The following EEFSEC variants were observed in gnomAD, a reference collection of about 807,000 sequenced individuals.
EEFSEC encodes eukaryotic elongation factor, selenocysteine-tRNA specific, also known as selenocysteine-specific elongation factor.
In EEFSEC, 43 loss-of-function variants were observed where a neutral mutation model predicts 42.1. The observed-to-expected ratio is 1.02, with a 90% confidence interval of 0.80 to 1.32. The LOEUF is 1.32. Ranked by LOEUF, EEFSEC falls within the 40% of genes most tolerant of loss-of-function variation. The probability of loss-of-function intolerance (pLI) is 0.00; values close to 1 mark genes in which losing one functional copy is unlikely to be tolerated. For synonymous variants in EEFSEC, 354 were observed against 339.1 expected (o/e 1.04, Z -0.48); for missense variants, 745 against 803.6 (o/e 0.93, Z 0.88).
intron 6 of EEFSEC, among the ~76,000 whole-genome samples, chr3:128,364,376 A>G (rs2067563420): frequency 6.6e-6 from 1 of 152,132 alleles, no homozygotes; most frequent in Middle Eastern, 3.2e-3. Flanking sequence ...GGGCCAGAGC[A>G]AGCTTCCTGG....
At chr3:128,257,810 A>C (rs1426257788) in intron 2 of EEFSEC, among the ~76,000 whole-genome samples, 2 of 152,118 alleles carry the variant, frequency 1.3e-5, no homozygotes, top group Non-Finnish European at 2.9e-5. Context: ...TCACCTCTTG[A>C]GCGTGGCCTG....
At chr3:128,182,892 G>C (rs2065425814) in intron 1 of EEFSEC, among the ~76,000 whole-genome samples, 1 of 143,424 alleles carries the variant, frequency 7.0e-6, no homozygotes, top group African/African-American at 2.7e-5. Context: ...GCGGGGGGGT[G>C]GGGTGGTTGG....
the EEFSEC span, among the ~76,000 whole-genome samples, chr3:128,414,091 C>T: frequency 2.0e-5 from 3 of 152,258 alleles, no homozygotes; most frequent in African/African-American, 7.2e-5. Context: ...CCTTGACGGA[C>T]AACCCTGCCT....
chr3:128,163,431 C>T (rs2065211166), intron 1 of EEFSEC, among the ~76,000 whole-genome samples: 1 of 151,892 alleles, frequency 6.6e-6, no homozygotes, highest in Non-Finnish European at 1.5e-5. Flanking sequence ...CTCTGTAGGT[C>T]TAGGGCCAAC....
chr3:128,247,101 T>C (rs2066136688), intron 2 of EEFSEC, 58 bp downstream of exon 2: 1 of 1,556,300 alleles, frequency 6.4e-7, no homozygotes, highest in Non-Finnish European at 8.8e-7. Context: ...GGGCCTCCCA[T>C]GTTCATTTCA....
At chr3:128,332,579 G>A (rs901834373) in intron 4 of EEFSEC, among the ~76,000 whole-genome samples, 1 of 152,068 alleles carries the variant, frequency 6.6e-6, no homozygotes, top group Non-Finnish European at 1.5e-5. Context: ...AGCATCCCAA[G>A]TAGCTGGGAT....
At chr3:128,372,886 C>A (rs139917887) in intron 6 of EEFSEC, among the ~76,000 whole-genome samples, 1 of 152,336 alleles carries the variant, frequency 6.6e-6, no homozygotes, top group East Asian at 1.9e-4. Context: ...CTTAGAGCTG[C>A]GCCTAGCGAG....
At chr3:128,296,451 C>T (rs906492768) in intron 4 of EEFSEC, among the ~76,000 whole-genome samples, 6 of 152,192 alleles carry the variant, frequency 3.9e-5, no homozygotes, top group Non-Finnish European at 7.3e-5. Flanking sequence ...CATCCTGATG[C>T]TGGCCCTTGC....
At chr3:128,309,416 C>A (rs1267753204) in intron 4 of EEFSEC, among the ~76,000 whole-genome samples, 1 of 152,152 alleles carries the variant, frequency 6.6e-6, no homozygotes, top group Non-Finnish European at 1.5e-5. Context: ...GGGGTCAGCG[C>A]ACAGAGGCTA....
chr3:128,390,860 C>G (rs537006359), intron 6 of EEFSEC, among the ~76,000 whole-genome samples: 6 of 152,362 alleles, frequency 3.9e-5, no homozygotes, highest in African/African-American at 1.4e-4. Context: ...AGTGCTGGCC[C>G]TTGGGGCCTT....
chr3:128,242,551 TAA>T (rs1415195493), intron 1 of EEFSEC, among the ~76,000 whole-genome samples: 4 of 152,214 alleles, frequency 2.6e-5, no homozygotes, highest in African/African-American at 9.6e-5. Flanking sequence ...AGTATAATGT[TAA>T]GTTTCTCCAG....
intron 2 of EEFSEC, among the ~76,000 whole-genome samples, chr3:128,250,953 G>C (rs142218109): frequency 1.1e-5 from 1 of 90,706 alleles, no homozygotes; most frequent in Non-Finnish European, 2.2e-5. Flanking sequence ...AGTTTTTAGC[G>C]TACAAGGCTT....
At chr3:128,276,353 A>G (rs973040102) in intron 4 of EEFSEC, among the ~76,000 whole-genome samples, 1 of 152,148 alleles carries the variant, frequency 6.6e-6, no homozygotes, top group Admixed American at 6.5e-5. Flanking sequence ...AAATCATCCA[A>G]AGGGACTCCC....
intron 6 of EEFSEC, among the ~76,000 whole-genome samples, chr3:128,387,358 A>T (rs2067853044): frequency 6.6e-6 from 1 of 152,194 alleles, no homozygotes; most frequent in African/African-American, 2.4e-5. Flanking sequence ...CTATTTAGGA[A>T]AGATAAGTAT....
chr3:128,186,145 T>G (rs913887199), intron 1 of EEFSEC, among the ~76,000 whole-genome samples: 1 of 152,230 alleles, frequency 6.6e-6, no homozygotes, highest in African/African-American at 2.4e-5. Flanking sequence ...GGGTGTGAAG[T>G]GCTATCTCAT....
chr3:128,169,399 T>G (rs1026700637), intron 1 of EEFSEC, among the ~76,000 whole-genome samples: 3 of 152,148 alleles, frequency 2.0e-5, no homozygotes, highest in Admixed American at 2.0e-4. Flanking sequence ...TGCATATATC[T>G]GGACTCTCTG....
chr3:128,179,268 G>T (rs1028936170), intron 1 of EEFSEC, among the ~76,000 whole-genome samples: 1 of 152,166 alleles, frequency 6.6e-6, no homozygotes, highest in East Asian at 1.9e-4. Context: ...GCTGCATAGG[G>T]GAGGAAGGGG....
intron 4 of EEFSEC, among the ~76,000 whole-genome samples, chr3:128,305,672 GTAA>G (rs973781257): frequency 2.0e-4 from 31 of 151,996 alleles, no homozygotes; most frequent in African/African-American, 6.5e-4. Flanking sequence ...CTTATATGTA[GTAA>G]TTTTCTTTTT....
At chr3:128,226,268 G>GA (rs1392475595) in intron 1 of EEFSEC, among the ~76,000 whole-genome samples, 1 of 152,224 alleles carries the variant, frequency 6.6e-6, no homozygotes, top group Non-Finnish European at 1.5e-5. Context: ...AATTGGGTTA[G>GA]AGAGGGCCTA....
Sources: allele counts gnomAD v4.1 joint callset (sites outside exome capture counted in the v4.1 genomes callset), GRCh38; gene constraint gnomAD v4.1.1; transcripts MANE v1.5; gene names NCBI Gene and HGNC (gene_info 2026-07-23, HGNC 2026-07-21).